CSMD1: variants seen among roughly 807,000 people sequenced by gnomAD.
CSMD1 encodes the protein CUB and sushi domain-containing protein 1.
A neutral mutation model predicts 417.5 loss-of-function variants in CSMD1; 213 were observed. That is an observed-to-expected ratio of 0.51 (90% confidence interval 0.46 to 0.57). CSMD1 has a LOEUF of 0.57. Ranked by LOEUF, CSMD1 falls within the 20% of genes least tolerant of loss-of-function variation. CSMD1 has a pLI of 0.00. For synonymous variants in CSMD1, 2,862 were observed against 1,736.8 expected, an observed-to-expected ratio of 1.65 and a Z score of -16.11; for missense variants, 6,923 against 4,529.7, an observed-to-expected ratio of 1.53 and a Z score of -15.17.
intron 33 of CSMD1, among the ~76,000 whole-genome samples, chr8:3,194,627 A>T (rs1215276193): frequency 7.0e-6 from 1 of 141,898 alleles, no homozygotes; most frequent in Non-Finnish European, 1.5e-5. Context: ...TTGGCTAATA[A>T]TTTTTTTTTT....
chr8:4,850,088 G>C (rs988908961), intron 1 of CSMD1, among the ~76,000 whole-genome samples: 1 of 152,124 alleles, frequency 6.6e-6, no homozygotes, highest in African/African-American at 2.4e-5. Context: ...GTGTGAAGTA[G>C]GATCTCATGG....
intron 7 of CSMD1, among the ~76,000 whole-genome samples, chr8:3,653,574 G>A (rs1322600315): frequency 6.6e-6 from 1 of 152,186 alleles, no homozygotes; most frequent in African/African-American, 2.4e-5. Context: ...CTCCCAAAGT[G>A]CTGGGATTTC....
At chr8:4,282,732 T>G (rs1796856085) in intron 3 of CSMD1, among the ~76,000 whole-genome samples, 1 of 152,222 alleles carries the variant, frequency 6.6e-6, no homozygotes. Context: ...CAATTTTAAT[T>G]ACTTGTAGCA....
intron 5 of CSMD1, among the ~76,000 whole-genome samples, chr8:3,865,384 C>T (rs139118305): frequency 6.6e-6 from 1 of 152,242 alleles, no homozygotes; most frequent in African/African-American, 2.4e-5. Flanking sequence ...GAACACATTC[C>T]CTCAGTCCCT....
At chr8:3,650,775 T>G (rs1236026014) in intron 7 of CSMD1, among the ~76,000 whole-genome samples, 9 of 152,232 alleles carry the variant, frequency 5.9e-5, no homozygotes, top group Non-Finnish European at 1.3e-4. Flanking sequence ...GATTTTTTTC[T>G]AAAGAGTTTC....
intron 3 of CSMD1, among the ~76,000 whole-genome samples, chr8:4,264,519 T>C (rs1478922990): frequency 6.6e-6 from 1 of 152,144 alleles, no homozygotes; most frequent in Admixed American, 6.6e-5. Context: ...CCCCTGAAGC[T>C]GAGAAGCTCC....
intron 68 of CSMD1, among the ~76,000 whole-genome samples, chr8:2,945,335 C>T (rs1258531917): frequency 6.6e-6 from 1 of 152,116 alleles, no homozygotes; most frequent in Admixed American, 6.6e-5. Context: ...TGAGGCTCTT[C>T]CATTGGCATA....
intron 12 of CSMD1, among the ~76,000 whole-genome samples, chr8:3,448,149 G>C (rs930538647): frequency 6.6e-6 from 1 of 150,936 alleles, no homozygotes; most frequent in Non-Finnish European, 1.5e-5. Flanking sequence ...GAGGGATACA[G>C]GGAGCCTGAA....
chr8:4,676,368 A>G (rs1235653652), intron 1 of CSMD1, among the ~76,000 whole-genome samples: 1 of 152,120 alleles, frequency 6.6e-6, no homozygotes, highest in Non-Finnish European at 1.5e-5. Flanking sequence ...CACTGCCCTA[A>G]TATTAGCTAT....
At chr8:4,393,431 C>T (rs1446655309) in intron 3 of CSMD1, among the ~76,000 whole-genome samples, 1 of 152,116 alleles carries the variant, frequency 6.6e-6, no homozygotes, top group Non-Finnish European at 1.5e-5. Flanking sequence ...ATACATAGAA[C>T]CCAAAATGCA....
intron 6 of CSMD1, among the ~76,000 whole-genome samples, chr8:3,722,149 G>A (rs991679776): frequency 6.6e-6 from 1 of 152,098 alleles, no homozygotes. Context: ...TTGAGACTAA[G>A]AATGCAAAAA....
In CSMD1 at chr8:4,711,588, G is replaced by A. The variant is rs188067629; in HGVS notation, c.86-74030C>T. 8.6e-4 allele frequency among the ~76,000 whole-genome samples: 131 copies of A among 151,926 alleles called. No homozygotes were observed. The Middle Eastern group carries it at 0.02, about 24-fold the overall frequency. On this transcript the variant is annotated intron_variant, in intron 1 of 69. Coordinates refer to ENST00000635120, the MANE Select transcript of CSMD1 (RefSeq NM_033225.6). ...AGAAATTTGAAAAAAAAATATATTG[G>A]TACTAAATTAGAAATATAGTCTGTA...
chr8:4,123,141 A>G (rs1436946352), intron 3 of CSMD1, among the ~76,000 whole-genome samples: 2 of 152,252 alleles, frequency 1.3e-5, no homozygotes, highest in Non-Finnish European at 2.9e-5. Context: ...AAGATGAAGA[A>G]TATTTAGGCA....
At position 4,874,897 on chromosome 8, in the gene CSMD1, T is replaced by G. The variant is rs191487486; in HGVS notation, c.85+119435A>C. 1.3e-3 allele frequency among the ~76,000 whole-genome samples: 191 copies of G among 150,060 alleles called. 2 individuals are homozygous for G. Among genetic ancestry groups the G allele is most frequent in the African/African-American group, 4.3e-3 (176 of 41,048 alleles). ...TATATAGTATAGAGTATAGTGTATA[T>G]ATAGTATATACTATATTAGATATTT... On this transcript the variant is annotated intron_variant, in intron 1 of 69. Transcript: ENST00000635120.
At chr8:3,252,719 A>G (rs981309168) in intron 26 of CSMD1, among the ~76,000 whole-genome samples, 3 of 152,130 alleles carry the variant, frequency 2.0e-5, no homozygotes, top group African/African-American at 7.2e-5. Flanking sequence ...GTAAGCTATT[A>G]ATTATTGCCT....
At chr8:3,672,965 C>T (rs1169756545) in intron 7 of CSMD1, among the ~76,000 whole-genome samples, 2 of 152,172 alleles carry the variant, frequency 1.3e-5, no homozygotes, top group African/African-American at 4.8e-5. Context: ...CTCGTTATTC[C>T]TATGCCTTAT....
intron 3 of CSMD1, among the ~76,000 whole-genome samples, chr8:4,362,843 T>A (rs748780369): frequency 2.0e-5 from 3 of 152,344 alleles, no homozygotes; most frequent in East Asian, 3.9e-4. Flanking sequence ...TTGTTCCCCA[T>A]TGGTTATCAG....
chr8:3,094,268 G>A (rs1210801803), intron 47 of CSMD1, among the ~76,000 whole-genome samples: 6 of 152,040 alleles, frequency 3.9e-5, no homozygotes, highest in African/African-American at 1.2e-4. Flanking sequence ...ACCGCGCCCA[G>A]CTAACTTTTG....
chr8:3,740,728 G>C (rs1388418795), intron 6 of CSMD1, among the ~76,000 whole-genome samples: 2 of 152,150 alleles, frequency 1.3e-5, no homozygotes, highest in Non-Finnish European at 2.9e-5. Context: ...GAGTCTAAAA[G>C]ACTTGGTACC....
Sources: allele counts gnomAD v4.1 joint callset (sites outside exome capture counted in the v4.1 genomes callset), GRCh38; gene constraint gnomAD v4.1.1; transcripts MANE v1.5; gene names NCBI Gene and HGNC (gene_info 2026-07-23, HGNC 2026-07-21).